RBMS3: variants seen among roughly 807,000 people sequenced by gnomAD.
The protein encoded by RBMS3 is RNA-binding motif, single-stranded-interacting protein 3.
RBMS3 carries 27 observed loss-of-function variants against 66.8 expected under a neutral mutation model. That is an observed-to-expected ratio of 0.40 (90% confidence interval 0.30 to 0.56). RBMS3 has a LOEUF of 0.56. RBMS3 is among the 20% of genes least tolerant of loss of function. The pLI is 0.40. For missense variants in RBMS3, 513 were observed against 549.5 expected (o/e 0.93, Z 0.66); for synonymous variants, 188 against 183.0 (o/e 1.03, Z -0.22).
rs143644150 is a variant in RBMS3 at position 29,681,702 on chromosome 3, G to T, written c.400-58018G>T. ...CATGATCTTCTTCCTTTTTATGGTT[G>T]CATAGTATTCCATGGTGTATATGTA... On this transcript the variant is annotated intron_variant, in intron 4 of 14. Transcript: ENST00000383767. 2.8e-3 allele frequency among the ~76,000 whole-genome samples: 425 copies of T among 152,256 alleles called. 4 individuals carry two copies. Among genetic ancestry groups the T allele is most frequent in the African/African-American group, 9.8e-3 (407 of 41,538 alleles).
chr3:29,915,155 TA>T (rs11297315), intron 10 of RBMS3, among the ~76,000 whole-genome samples: 59,600 of 147,544 alleles, frequency 0.4, 12,051 homozygotes, highest in African/African-American at 0.48. Flanking sequence ...AGAGTGTTCC[TA>T]AAAAAAAAAA....
At chr3:29,698,368 T>C in intron 4 of RBMS3, 1 of 985,412 alleles carries the variant, frequency 1.0e-6, no homozygotes, top group South Asian at 4.7e-5. Context: ...TGTCTGAATG[T>C]GCTGTAAACC....
chr3:29,703,262 A>T (rs1349444731), intron 4 of RBMS3, among the ~76,000 whole-genome samples: 4 of 152,212 alleles, frequency 2.6e-5, no homozygotes, highest in African/African-American at 7.2e-5. Flanking sequence ...TGTCTTCTCC[A>T]TGGAAACTAT....
intron 3 of RBMS3, among the ~76,000 whole-genome samples, chr3:29,533,158 TA>T (rs919239620): frequency 6.6e-6 from 1 of 152,204 alleles, no homozygotes; most frequent in African/African-American, 2.4e-5. Flanking sequence ...TTAATGCAGT[TA>T]TTTTTAACTA....
At chr3:29,770,316 C>G (rs2056142922) in intron 6 of RBMS3, among the ~76,000 whole-genome samples, 1 of 151,896 alleles carries the variant, frequency 6.6e-6, no homozygotes, top group South Asian at 2.1e-4. Flanking sequence ...TCATTTCTGC[C>G]TAGAGAAAGT....
chr3:29,820,170 C>T (rs2058035528), intron 6 of RBMS3, among the ~76,000 whole-genome samples: 1 of 87,314 alleles, frequency 1.1e-5, no homozygotes, highest in Non-Finnish European at 2.1e-5. Context: ...GCCTGGGTAA[C>T]AGAGTGAGAC....
chr3:29,560,183 C>A (rs2046499656), intron 3 of RBMS3, among the ~76,000 whole-genome samples: 1 of 152,152 alleles, frequency 6.6e-6, no homozygotes, highest in Non-Finnish European at 1.5e-5. Flanking sequence ...GAGTTTCCTG[C>A]ATTTTGAAAG....
chr3:29,980,930 A>G (rs1184325546), intron 12 of RBMS3, among the ~76,000 whole-genome samples: 1 of 151,922 alleles, frequency 6.6e-6, no homozygotes, highest in African/African-American at 2.4e-5. Context: ...TTTTTGTTCT[A>G]TATGAAATTT....
chr3:29,787,126 C>G (rs2056846792), intron 6 of RBMS3, among the ~76,000 whole-genome samples: 2 of 151,700 alleles, frequency 1.3e-5, no homozygotes, highest in South Asian at 4.2e-4. Context: ...GAAACCACAA[C>G]ATGATACCAC....
At chr3:29,765,476 G>C (rs2055884335) in intron 6 of RBMS3, among the ~76,000 whole-genome samples, 2 of 151,672 alleles carry the variant, frequency 1.3e-5, no homozygotes, top group Non-Finnish European at 1.5e-5. Context: ...AACTATAATT[G>C]GTGTGACCCA....
At chr3:29,350,228 C>T (rs2036831049) in intron 1 of RBMS3, among the ~76,000 whole-genome samples, 1 of 151,014 alleles carries the variant, frequency 6.6e-6, no homozygotes, top group Admixed American at 6.6e-5. Context: ...TTTTAAAAAA[C>T]TGTCATTATA....
chr3:29,466,491 C>A (rs2042548130), intron 2 of RBMS3, among the ~76,000 whole-genome samples: 1 of 152,098 alleles, frequency 6.6e-6, no homozygotes, highest in African/African-American at 2.4e-5. Flanking sequence ...TGGATTCGTG[C>A]AGCTTTTGAA....
intron 4 of RBMS3, among the ~76,000 whole-genome samples, chr3:29,671,055 C>A (rs905237061): frequency 6.6e-6 from 1 of 152,162 alleles, no homozygotes; most frequent in Non-Finnish European, 1.5e-5. Context: ...ACGAAGCTTC[C>A]AGAGGAAGGA....
At chr3:29,682,344 C>T (rs1036325112) in intron 4 of RBMS3, among the ~76,000 whole-genome samples, 2 of 152,136 alleles carry the variant, frequency 1.3e-5, no homozygotes, top group African/African-American at 2.4e-5. Context: ...TTAGTAGAGA[C>T]GGGTTTCACC....
At chr3:29,867,364 A>C (rs1236818865) in intron 6 of RBMS3, among the ~76,000 whole-genome samples, 1 of 151,138 alleles carries the variant, frequency 6.6e-6, no homozygotes, top group Non-Finnish European at 1.5e-5. Context: ...TTTAGCTTAC[A>C]CATTGGTGTG....
chr3:29,726,164 C>G (rs1191757093), intron 4 of RBMS3, among the ~76,000 whole-genome samples: 2 of 152,162 alleles, frequency 1.3e-5, no homozygotes, highest in Non-Finnish European at 2.9e-5. Context: ...AACACCCCTT[C>G]ATGCTAAAAA....
At chr3:29,536,526 A>G (rs558288824) in intron 3 of RBMS3, among the ~76,000 whole-genome samples, 1 of 152,304 alleles carries the variant, frequency 6.6e-6, no homozygotes, top group South Asian at 2.1e-4. Context: ...ATATGCTATT[A>G]TAACTACACC....
At chr3:29,401,952 A>T (rs895945263) in intron 1 of RBMS3, among the ~76,000 whole-genome samples, 2 of 152,076 alleles carry the variant, frequency 1.3e-5, no homozygotes, top group African/African-American at 2.4e-5. Context: ...GTTGCCCAAG[A>T]GTAAAGCATT....
intron 3 of RBMS3, among the ~76,000 whole-genome samples, chr3:29,548,649 A>G (rs2046066355): frequency 6.6e-6 from 1 of 152,134 alleles, no homozygotes; most frequent in Admixed American, 6.6e-5. Flanking sequence ...GGCTTCTATA[A>G]ACTTATTGTT....
Sources: allele counts gnomAD v4.1 joint callset (sites outside exome capture counted in the v4.1 genomes callset), GRCh38; gene constraint gnomAD v4.1.1; transcripts MANE v1.5; gene names NCBI Gene and HGNC (gene_info 2026-07-23, HGNC 2026-07-21).